The following RAB10 variants were observed in gnomAD, a reference collection of about 807,000 sequenced individuals.
RAB10 encodes ras-related protein Rab-10.
In RAB10, 5 loss-of-function variants were observed where a neutral mutation model predicts 25.7. That is an observed-to-expected ratio of 0.19 (90% CI 0.10 to 0.41). The LOEUF (loss-of-function observed/expected upper bound fraction) is 0.41, where lower values mean the gene tolerates loss of function less well. RAB10 is among the 10% of genes least tolerant of loss of function. RAB10 has a pLI of 1.00. For synonymous variants in RAB10, 89 were observed against 86.4 expected, an observed-to-expected ratio of 1.03 and a Z score of -0.16; for missense variants, 103 against 245.8, an observed-to-expected ratio of 0.42 and a Z score of 3.89.
chr2:26,131,327 G>A (rs944690451), intron 5 of RAB10, among the ~76,000 whole-genome samples: 1 of 152,084 alleles, frequency 6.6e-6, no homozygotes. Context: ...CAAAGTTTAC[G>A]AATTTGTTGT....
chr2:26,121,192 G>A lies in RAB10; in HGVS notation c.328-5952G>A, dbSNP rs576443302. Among the ~76,000 whole-genome samples the A allele has an allele frequency of 3.9e-5, 6 of 152,280 alleles. 1 individual carries two copies. The highest frequency in any genetic ancestry group is 1.4e-4 in the African/African-American group (6 of 41,548). On this transcript the variant is annotated intron_variant, in intron 3 of 5. Coordinates refer to ENST00000264710, the MANE Select transcript of RAB10 (RefSeq NM_016131.5). ...CTCCCAAAGTGCTGGCTTTACAGGC[G>A]TGAGCCACCACATGCGGTATAATTT...
In RAB10 at chr2:26,135,303, TATCAAC is replaced by T. The variant is rs1311232062; in HGVS notation, c.*285_*290del. On this transcript the variant is annotated 3_prime_UTR_variant, in exon 6 of 6. Transcript: ENST00000264710. ...TTCAGTTGTATTATAGTCCAGTTCT[TATCAAC>T]ATTAAAACCTATAGCAATCATTTCA... is the stretch of plus-strand genomic sequence containing the variant. 3.3e-6 allele frequency: 1 copy of T among 305,574 alleles called. No homozygotes were observed. Among genetic ancestry groups the T allele is most frequent in the Non-Finnish European group, 6.0e-6 (1 of 166,116 alleles). 18.9% of individuals were successfully genotyped at this position (305,574 alleles called of 1,614,324 possible).
rs541113656 is a variant in RAB10, at chr2:26,106,810, G to A, written c.189-2958G>A. Among the ~76,000 whole-genome samples, 13 of 151,974 alleles carry A rather than the reference G, an allele frequency of 8.6e-5. No homozygotes were observed. In the South Asian group the frequency reaches 1.9e-3, roughly 22 times the overall value. ...TGAGGTTGGAGAATCTCTTGAACCC[G>A]AAAGGCAGAGGTTGCAATGTGCCGA... On this transcript the variant is annotated intron_variant, in intron 2 of 5. Coordinates refer to ENST00000264710, the MANE Select transcript of RAB10 (RefSeq NM_016131.5).
intron 1 of RAB10, among the ~76,000 whole-genome samples, chr2:26,061,069 T>A (rs570269394): frequency 1.3e-3 from 194 of 147,708 alleles, no homozygotes; most frequent in African/African-American, 4.5e-3. Flanking sequence ...CAGTTGAAAA[T>A]TTTTTTTTCC....
intron 1 of RAB10, among the ~76,000 whole-genome samples, chr2:26,076,475 C>T (rs542737687): frequency 3.3e-5 from 5 of 152,148 alleles, no homozygotes; most frequent in Non-Finnish European, 5.9e-5. Flanking sequence ...TCTCAATGAT[C>T]TCCTCCTGAT....
chr2:26,075,518 G>A (rs980093778), intron 1 of RAB10, among the ~76,000 whole-genome samples: 2 of 151,928 alleles, frequency 1.3e-5, no homozygotes, highest in Non-Finnish European at 2.9e-5. Context: ...AAAAGCTCAA[G>A]AACAGTTTGC....
At chr2:26,134,837 A>T (rs1668076285) in intron 5 of RAB10, 101 bp from the exon 6 acceptor site, 2 of 878,744 alleles carry the variant, frequency 2.3e-6, no homozygotes, top group Non-Finnish European at 3.5e-6. Flanking sequence ...TTGTAGTTGT[A>T]TTTTGTTGTA....
At chr2:26,080,521 A>G (rs754186591) in intron 1 of RAB10, among the ~76,000 whole-genome samples, 2 of 152,156 alleles carry the variant, frequency 1.3e-5, no homozygotes, top group African/African-American at 2.4e-5. Context: ...GGGAAATTCT[A>G]TGCAATACCT....
At chr2:26,051,367 C>A (rs1288740529) in intron 1 of RAB10, among the ~76,000 whole-genome samples, 2 of 52,414 alleles carry the variant, frequency 3.8e-5, no homozygotes, top group African/African-American at 1.7e-4. Context: ...TTTGCCCCCC[C>A]CCCCCCCCCC....
chr2:26,060,340 T>G (rs13400139), intron 1 of RAB10, among the ~76,000 whole-genome samples: 4,299 of 152,308 alleles, frequency 0.028, 207 homozygotes, highest in African/African-American at 0.099. Flanking sequence ...TTGCCCAGGC[T>G]GGAGTGCAGT....
At chr2:26,114,268 A>G (rs1047872954) in intron 3 of RAB10, among the ~76,000 whole-genome samples, 4 of 152,052 alleles carry the variant, frequency 2.6e-5, no homozygotes, top group Admixed American at 2.6e-4. Flanking sequence ...AAGGCAAGGG[A>G]CCCAGAGTAG....
chr2:26,114,153 C>T (rs553356500), intron 3 of RAB10, among the ~76,000 whole-genome samples: 1 of 152,208 alleles, frequency 6.6e-6, no homozygotes, highest in East Asian at 1.9e-4. Context: ...CATTACTACC[C>T]AAAGTGATCT....
At chr2:26,071,917 G>A (rs1201559289) in intron 1 of RAB10, among the ~76,000 whole-genome samples, 2 of 152,110 alleles carry the variant, frequency 1.3e-5, no homozygotes, top group Non-Finnish European at 2.9e-5. Context: ...GTCTGCTGCT[G>A]TGAGTGTGAC....
chr2:26,109,186 A>T (rs1023863279), intron 2 of RAB10, among the ~76,000 whole-genome samples: 1 of 152,164 alleles, frequency 6.6e-6, no homozygotes, highest in East Asian at 1.9e-4. Flanking sequence ...CTGGGATTAC[A>T]AGTGTGAGCC....
chr2:26,061,054 A>G (rs755489320), intron 1 of RAB10, among the ~76,000 whole-genome samples: 38 of 138,942 alleles, frequency 2.7e-4, no homozygotes, highest in Non-Finnish European at 5.1e-4. Flanking sequence ...GAAAGAGCTG[A>G]TACTCAGTTG....
chr2:26,086,209 T>G (rs1666984886), intron 1 of RAB10, among the ~76,000 whole-genome samples: 1 of 150,850 alleles, frequency 6.6e-6, no homozygotes, highest in Non-Finnish European at 1.5e-5. Context: ...TCCCAACTAC[T>G]TGGGAGGCTG....
At chr2:26,088,914 T>C (rs1014547515) in intron 1 of RAB10, among the ~76,000 whole-genome samples, 4 of 151,350 alleles carry the variant, frequency 2.6e-5, no homozygotes, top group Admixed American at 2.6e-4. Flanking sequence ...TGAGCCACCA[T>C]GCCCGGCTTA....
intron 1 of RAB10, among the ~76,000 whole-genome samples, chr2:26,062,988 G>A (rs1026158845): frequency 5.3e-5 from 8 of 151,044 alleles, no homozygotes; most frequent in African/African-American, 7.3e-5. Flanking sequence ...GGTGGCAGGC[G>A]CCTATAATCC....
intron 1 of RAB10, among the ~76,000 whole-genome samples, chr2:26,083,490 G>T (rs1302841904): frequency 8.6e-6 from 1 of 115,734 alleles, no homozygotes; most frequent in East Asian, 3.0e-4. Flanking sequence ...CTTTCCTTTT[G>T]TCTCACTCTG....
Sources: allele counts gnomAD v4.1 joint callset (sites outside exome capture counted in the v4.1 genomes callset), GRCh38; gene constraint gnomAD v4.1.1; transcripts MANE v1.5; gene names NCBI Gene and HGNC (gene_info 2026-07-23, HGNC 2026-07-21).